Variants in ADGRL3 observed in about 807,000 individuals in gnomAD.
ADGRL3 encodes calcium-independent alpha-latrotoxin receptor 3.
A neutral mutation model predicts 153.5 loss-of-function variants in ADGRL3; 62 were observed. The observed-to-expected ratio is 0.40, with a 90% CI of 0.33 to 0.50. ADGRL3 has a LOEUF of 0.50. Ranked by LOEUF, ADGRL3 falls within the 20% of genes least tolerant of loss-of-function variation. ADGRL3 has a pLI of 0.47. For missense variants in ADGRL3, 1,641 were observed against 1,859.4 expected (o/e 0.88, Z 2.16); for synonymous variants, 710 against 672.5 (o/e 1.06, Z -0.86).
In ADGRL3 at chr4:61,745,948, C is replaced by T. The variant is rs571080542; in HGVS notation, c.1399+12394C>T. ...TAAAGAGTCAAGACCCATCAGTGTGCTGTATTCAGGAAACTCATCGCACAT... is the reference window on the plus strand; with the variant it reads ...TAAAGAGTCAAGACCCATCAGTGTGTTGTATTCAGGAAACTCATCGCACAT... On this transcript the variant is annotated intron_variant, in intron 8 of 26. Transcript: ENST00000683033. Among the ~76,000 whole-genome samples, 4 of 152,244 alleles carry T rather than the reference C, an allele frequency of 2.6e-5. No individual in the cohort carries two copies. In the South Asian group the frequency reaches 8.3e-4, roughly 32 times the overall value.
chr4:61,202,541 GGCCGCGGC>G lies in ADGRL3; in HGVS notation c.-240+781_-240+788del, dbSNP rs1400246635. ...GCGGCGGTGTTGCACGAATCCGGGC[GGCCGCGGC>G]GCCGGGGCGGGGTGGGCAGAGCATT... On this transcript the variant is annotated intron_variant, in intron 1 of 26. Coordinates refer to ENST00000683033, the MANE Select transcript of ADGRL3 (RefSeq NM_001387552.1). The surrounding 1 kb of genome is among the most constrained non-coding windows in gnomAD (Gnocchi z 5.0). Among the ~76,000 whole-genome samples the G allele has an allele frequency of 6.6e-6, 1 of 152,122 alleles. No homozygotes were observed. The highest frequency in any genetic ancestry group is 2.4e-5 in the African/African-American group (1 of 41,432).
intron 15 of ADGRL3, among the ~76,000 whole-genome samples, chr4:61,945,806 C>G (rs552156556): frequency 1.9e-4 from 29 of 151,864 alleles, no homozygotes; most frequent in African/African-American, 7.3e-5. Context: ...GCGCACGGTG[C>G]GCACACACAC....
At chr4:61,582,341 C>T (rs1050627334) in intron 4 of ADGRL3, among the ~76,000 whole-genome samples, 1 of 151,988 alleles carries the variant, frequency 6.6e-6, no homozygotes, top group African/African-American at 2.4e-5. Flanking sequence ...TCTCCCTCCC[C>T]CCGCTCCTGC....
chr4:61,867,679 G>A (rs562284240), intron 9 of ADGRL3, among the ~76,000 whole-genome samples: 2 of 151,350 alleles, frequency 1.3e-5, no homozygotes, highest in East Asian at 1.9e-4. Context: ...CAGAAATGAA[G>A]GCCAAAAGAA....
At chr4:61,276,147 T>A (rs1353515445) in intron 1 of ADGRL3, among the ~76,000 whole-genome samples, 1 of 152,076 alleles carries the variant, frequency 6.6e-6, no homozygotes, top group African/African-American at 2.4e-5. Flanking sequence ...TAAATAAAGG[T>A]CATGCTGCTG....
At chr4:61,396,910 T>A (rs890672839) in intron 2 of ADGRL3, among the ~76,000 whole-genome samples, 1 of 150,570 alleles carries the variant, frequency 6.6e-6, no homozygotes, top group Non-Finnish European at 1.5e-5. Context: ...CATGCTTTCA[T>A]GTAATTTACT....
intron 21 of ADGRL3, among the ~76,000 whole-genome samples, chr4:62,018,963 G>GT (rs1460437466): frequency 6.6e-6 from 1 of 152,130 alleles, no homozygotes; most frequent in Non-Finnish European, 1.5e-5. Flanking sequence ...AGGAGTTTGC[G>GT]TAGCAGTGGG....
intron 25 of ADGRL3, among the ~76,000 whole-genome samples, chr4:62,055,512 GA>G (rs1736519743): frequency 6.6e-6 from 1 of 151,568 alleles, no homozygotes; most frequent in African/African-American, 2.4e-5. Flanking sequence ...TATGACTTTA[GA>G]AAAAAATGAT....
rs538143307 is a variant in ADGRL3 at position 61,649,215 on chromosome 4, C to T, written c.474-27611C>T. 7.2e-5 allele frequency among the ~76,000 whole-genome samples: 11 copies of T among 151,976 alleles called. No homozygotes were observed. In the East Asian group the frequency reaches 1.4e-3, roughly 19 times the overall value. On this transcript the variant is annotated intron_variant, in intron 5 of 26. Transcript: ENST00000683033. ...TAGTAGTTACATATGGATGTAACAT[C>T]GCTTATTTGCCAATTTAAAAAAATC...
intron 1 of ADGRL3, among the ~76,000 whole-genome samples, chr4:61,255,348 C>G (rs1333258400): frequency 1.3e-5 from 2 of 152,156 alleles, no homozygotes; most frequent in Admixed American, 1.3e-4. Flanking sequence ...TGAGATTCTT[C>G]TTAGTAAACA....
chr4:61,597,327 G>A (rs572192758), intron 5 of ADGRL3, among the ~76,000 whole-genome samples: 2 of 152,202 alleles, frequency 1.3e-5, no homozygotes, highest in African/African-American at 4.8e-5. Context: ...AAGGAGACTA[G>A]CTGTCTATGG....
chr4:61,740,572 C>G lies in ADGRL3; in HGVS notation c.1399+7018C>G, dbSNP rs183640439. ...GTTTGTTTCTAAGCTGTCCATCAAACATTCTAATTTTCCTTGTTAAATATT... is the reference window on the plus strand; with the variant it reads ...GTTTGTTTCTAAGCTGTCCATCAAAGATTCTAATTTTCCTTGTTAAATATT... On this transcript the variant is annotated intron_variant, in intron 8 of 26. Transcript: ENST00000683033. Among the ~76,000 whole-genome samples, 23 of 152,312 alleles carry G rather than the reference C, an allele frequency of 1.5e-4. No individual in the cohort carries two copies. In the East Asian group the frequency reaches 4.1e-3, roughly 27 times the overall value.
chr4:61,983,347 T>G, intron 18 of ADGRL3, 36 bp from the exon 19 acceptor site: 1 of 1,548,432 alleles, frequency 6.5e-7, no homozygotes, highest in Non-Finnish European at 8.9e-7. Context: ...TCCCATGTGG[T>G]AGAGATTTGA....
At chr4:61,279,098 A>C (rs2093612577) in intron 1 of ADGRL3, among the ~76,000 whole-genome samples, 1 of 152,308 alleles carries the variant, frequency 6.6e-6, no homozygotes, top group African/African-American at 2.4e-5. Context: ...ATGACTGTCT[A>C]GACAGGTTTC....
At chr4:61,400,838 C>A (rs976469041) in intron 2 of ADGRL3, among the ~76,000 whole-genome samples, 1 of 150,394 alleles carries the variant, frequency 6.6e-6, no homozygotes, top group Middle Eastern at 3.4e-3. Flanking sequence ...AAAAAAAAGT[C>A]CTGCTCCCTT....
intron 4 of ADGRL3, among the ~76,000 whole-genome samples, chr4:61,576,067 G>C (rs763727131): frequency 6.6e-6 from 1 of 151,960 alleles, no homozygotes; most frequent in Non-Finnish European, 1.5e-5. Context: ...TCTTTATGTG[G>C]TTTTTGAAGT....
chr4:61,858,104 G>A (rs1433095088), intron 9 of ADGRL3, among the ~76,000 whole-genome samples: 1 of 152,186 alleles, frequency 6.6e-6, no homozygotes, highest in African/African-American at 2.4e-5. Flanking sequence ...TTTGCATATT[G>A]AGTTTGAGAT....
In ADGRL3 at chr4:61,513,534, AT is replaced by A. The variant is rs1372815077; in HGVS notation, c.56-3779del. Among the ~76,000 whole-genome samples, 3 of 152,120 alleles carry A rather than the reference AT, an allele frequency of 2.0e-5. No individual in the cohort carries two copies. The East Asian group carries it at 5.8e-4, about 29-fold the overall frequency. On this transcript the variant is annotated intron_variant, in intron 3 of 26. Transcript: ENST00000683033. ...TGAACATGGGATAAATATTTTGATCATTATAGTAGGTTATGAAATACTAATT... is the reference window on the plus strand; with the variant it reads ...TGAACATGGGATAAATATTTTGATCATATAGTAGGTTATGAAATACTAATT...
At chr4:62,061,152 A>G (rs971798507) in intron 25 of ADGRL3, among the ~76,000 whole-genome samples, 3 of 151,920 alleles carry the variant, frequency 2.0e-5, no homozygotes, top group East Asian at 3.9e-4. Flanking sequence ...TGAAAATACT[A>G]TTACCCACAC....
Sources: allele counts gnomAD v4.1 joint callset (sites outside exome capture counted in the v4.1 genomes callset), GRCh38; gene constraint gnomAD v4.1.1; non-coding constraint Gnocchi (gnomAD v3.1); transcripts MANE v1.5; gene names NCBI Gene and HGNC (gene_info 2026-07-23, HGNC 2026-07-21).